The following RBFOX1 variants were observed in gnomAD, a reference collection of about 807,000 sequenced individuals.
RBFOX1 encodes RNA binding protein fox-1 homolog 1.
RBFOX1 carries 8 observed loss-of-function variants against 57.7 expected under a neutral mutation model. The ratio of observed to expected loss-of-function variants is 0.14; its 90% CI spans 0.08 to 0.25. The LOEUF is 0.25. Among genes scored for constraint, RBFOX1 ranks in the 10% least tolerant of loss-of-function variants. The pLI, the probability that RBFOX1 is intolerant of heterozygous loss-of-function variation, is 1.00. For synonymous variants in RBFOX1, 326 were observed against 222.4 expected (o/e 1.47, Z -4.15); for missense variants, 611 against 548.5 (o/e 1.11, Z -1.14).
chr16:7,672,575 G>T (rs2071826786), intron 13 of RBFOX1, among the ~76,000 whole-genome samples: 1 of 152,050 alleles, frequency 6.6e-6, no homozygotes, highest in Admixed American at 6.6e-5. Flanking sequence ...AAAAATAGAT[G>T]GATGTGGCCA....
At chr16:6,352,920 A>T (rs1198265219) in intron 2 of RBFOX1, among the ~76,000 whole-genome samples, 1 of 152,190 alleles carries the variant, frequency 6.6e-6, no homozygotes, top group Non-Finnish European at 1.5e-5. Context: ...AGAAAAAGGG[A>T]TGATTTAAAG....
chr16:6,633,560 C>T (rs963986728), intron 2 of RBFOX1, among the ~76,000 whole-genome samples: 2 of 152,280 alleles, frequency 1.3e-5, no homozygotes, highest in Non-Finnish European at 2.9e-5. Context: ...TCCCAATGTG[C>T]TGGGATTACA....
chr16:7,224,336 A>G (rs28529567), intron 4 of RBFOX1, among the ~76,000 whole-genome samples: 7,712 of 152,188 alleles, frequency 0.051, 237 homozygotes, highest in South Asian at 0.085. Context: ...TCAGTATACT[A>G]ATTCTACCAA....
chr16:6,233,655 C>A (rs1037179962), intron 1 of RBFOX1, among the ~76,000 whole-genome samples: 2 of 152,130 alleles, frequency 1.3e-5, no homozygotes, highest in African/African-American at 4.8e-5. Flanking sequence ...GCCACCCAGC[C>A]TGGAGCACAG....
chr16:7,709,226 C>T (rs962018158), intron 15 of RBFOX1, 95 bp downstream of exon 15: 231 of 1,220,686 alleles, frequency 1.9e-4, no homozygotes, highest in Middle Eastern at 5.8e-4. Context: ...TCTCACTTCC[C>T]GTTAATTGAA....
At chr16:7,045,334 C>T (rs1294688738) in intron 3 of RBFOX1, among the ~76,000 whole-genome samples, 6 of 152,142 alleles carry the variant, frequency 3.9e-5, no homozygotes, top group Admixed American at 3.9e-4. Flanking sequence ...ATATGGGATG[C>T]TGTGCAGGGA....
intron 12 of RBFOX1, among the ~76,000 whole-genome samples, chr16:7,656,389 G>A (rs746356014): frequency 2.6e-4 from 40 of 152,144 alleles, no homozygotes; most frequent in Non-Finnish European, 3.8e-4. Flanking sequence ...GCAAGGGGAT[G>A]GCTCCTCTTG....
intron 2 of RBFOX1, among the ~76,000 whole-genome samples, chr16:6,632,144 C>T (rs1022324184): frequency 2.0e-5 from 3 of 152,118 alleles, no homozygotes; most frequent in Non-Finnish European, 4.4e-5. Context: ...ACAGTTACTG[C>T]ATCTCTGTGA....
chr16:6,667,890 A>T (rs1488912143), intron 3 of RBFOX1, among the ~76,000 whole-genome samples: 1 of 151,880 alleles, frequency 6.6e-6, no homozygotes, highest in African/African-American at 2.4e-5. Flanking sequence ...CCCTATCTTT[A>T]AAAAACTAAA....
At chr16:5,531,162 A>G (rs1322322210) in intron 2 of RBFOX1, among the ~76,000 whole-genome samples, 1 of 151,934 alleles carries the variant, frequency 6.6e-6, no homozygotes, top group Non-Finnish European at 1.5e-5. Flanking sequence ...ATCACAGTCC[A>G]GGTGGTCTGG....
In RBFOX1 at chr16:5,534,982, G is replaced by C. The variant is rs112553866; in HGVS notation, c.259-63920G>C. ...AAAATATTTCCCAAAGGCTTACTGT[G>C]AGTCAGTTCTGCATGCCTGGGAAAT... On this transcript the variant is annotated intron_variant, in intron 2 of 2. Coordinates refer to the RBFOX1 transcript ENST00000585867. Among the ~76,000 whole-genome samples, 528 of 152,302 alleles carry C rather than the reference G, an allele frequency of 3.5e-3. 7 individuals carry two copies. Among genetic ancestry groups the C allele is most frequent in the African/African-American group, 0.012 (499 of 41,554 alleles).
intron 4 of RBFOX1, among the ~76,000 whole-genome samples, chr16:7,170,146 A>G (rs146799211): frequency 2.0e-5 from 3 of 152,338 alleles, no homozygotes; most frequent in African/African-American, 4.8e-5. Flanking sequence ...TGTTTTGCAC[A>G]GACAGAACTT....
chr16:6,588,350 T>C (rs1262670764), intron 2 of RBFOX1, among the ~76,000 whole-genome samples: 1 of 151,846 alleles, frequency 6.6e-6, no homozygotes, highest in East Asian at 1.9e-4. Flanking sequence ...TTCACAGCTT[T>C]TGATCTAGAA....
At chr16:6,332,860 T>C (rs1031247466) in intron 2 of RBFOX1, among the ~76,000 whole-genome samples, 1 of 152,212 alleles carries the variant, frequency 6.6e-6, no homozygotes, top group Non-Finnish European at 1.5e-5. Flanking sequence ...GAATCCTTCA[T>C]TGATGATGCC....
intron 1 of RBFOX1, among the ~76,000 whole-genome samples, chr16:6,054,085 A>T (rs1351782721): frequency 6.6e-6 from 1 of 152,110 alleles, no homozygotes; most frequent in Non-Finnish European, 1.5e-5. Context: ...AAAGAAAGAA[A>T]TAAATGGCAC....
intron 1 of RBFOX1, among the ~76,000 whole-genome samples, chr16:6,171,614 C>G (rs1245825576): frequency 6.6e-6 from 1 of 152,042 alleles, no homozygotes; most frequent in Non-Finnish European, 1.5e-5. Flanking sequence ...AAAAAGCATA[C>G]CTGGATTTTC....
intron 2 of RBFOX1, among the ~76,000 whole-genome samples, chr16:6,403,508 C>T (rs1224121337): frequency 1.3e-5 from 2 of 152,040 alleles, no homozygotes; most frequent in Admixed American, 6.5e-5. Context: ...GGACTACAGG[C>T]GAGTGCCACT....
At chr16:6,582,134 A>C (rs1795916703) in intron 2 of RBFOX1, among the ~76,000 whole-genome samples, 1 of 152,200 alleles carries the variant, frequency 6.6e-6, no homozygotes, top group South Asian at 2.1e-4. Flanking sequence ...AAGCTGATTT[A>C]AGTCATATTA....
intron 2 of RBFOX1, among the ~76,000 whole-genome samples, chr16:5,489,404 G>A (rs760887907): frequency 2.0e-5 from 3 of 152,224 alleles, no homozygotes; most frequent in Non-Finnish European, 4.4e-5. Flanking sequence ...ACTGGTTTAA[G>A]TTCTGATCAG....
Sources: gnomAD v4.1 joint callset for allele counts (sites outside exome capture counted in the v4.1 genomes callset) on GRCh38, gnomAD v4.1.1 for gene constraint, MANE v1.5 for transcripts, NCBI Gene and HGNC (gene_info 2026-07-23, HGNC 2026-07-21) for gene names.